The following NEO1 variants were observed in gnomAD, a reference collection of about 807,000 sequenced individuals.
NEO1 encodes the protein neogenin.
A neutral mutation model predicts 159.7 loss-of-function variants in NEO1; 63 were observed. That is an observed-to-expected ratio of 0.39 (90% CI 0.32 to 0.49). NEO1 has a LOEUF of 0.49. Among genes scored for constraint, NEO1 ranks in the 20% least tolerant of loss-of-function variants. The pLI is 0.85. For synonymous variants in NEO1, 633 were observed against 662.0 expected, an observed-to-expected ratio of 0.96 and a Z score of 0.67; for missense variants, 1,615 against 1,831.0, an observed-to-expected ratio of 0.88 and a Z score of 2.15.
rs557939480 is a variant in NEO1 at position 73,105,220 on chromosome 15, A to G, written c.131-11320A>G. On this transcript the variant is annotated intron_variant, in intron 1 of 28. Transcript: ENST00000261908. ...ATGGGGTTGCTTAAAGGATAAACAG[A>G]AAAGATAAAGAACCAAACAAATGTC... Among the ~76,000 whole-genome samples the G allele has an allele frequency of 9.7e-4, 148 of 152,334 alleles. 2 individuals carry two copies. The highest frequency in any genetic ancestry group is 8.1e-3 in the South Asian group (39 of 4,826).
intron 5 of NEO1, among the ~76,000 whole-genome samples, chr15:73,146,355 T>A (rs1267165191): frequency 6.6e-6 from 1 of 152,218 alleles, no homozygotes; most frequent in African/African-American, 2.4e-5. Context: ...CTGGATAAGA[T>A]GTCAGACAGT....
intron 8 of NEO1, among the ~76,000 whole-genome samples, chr15:73,239,007 C>T (rs1465960056): frequency 6.6e-6 from 1 of 152,030 alleles, no homozygotes; most frequent in Non-Finnish European, 1.5e-5. Flanking sequence ...TGCCACCATG[C>T]CTGGGTAATT....
chr15:73,057,356 T>A (rs2151218356), intron 1 of NEO1, among the ~76,000 whole-genome samples: 1 of 152,322 alleles, frequency 6.6e-6, no homozygotes, highest in South Asian at 2.1e-4. Flanking sequence ...ATATGGAGGC[T>A]GTATTTAATA....
At chr15:73,183,095 C>T (rs1350951451) in intron 7 of NEO1, among the ~76,000 whole-genome samples, 1 of 152,140 alleles carries the variant, frequency 6.6e-6, no homozygotes, top group African/African-American at 2.4e-5. Context: ...AAACACTTTT[C>T]CTTGGGGCTC....
chr15:73,230,448 A>G (rs1019774415), intron 7 of NEO1, among the ~76,000 whole-genome samples: 2 of 152,046 alleles, frequency 1.3e-5, no homozygotes, highest in African/African-American at 4.8e-5. Context: ...TTAGTTTCCT[A>G]GTCTTCTACC....
intron 22 of NEO1, among the ~76,000 whole-genome samples, chr15:73,280,094 G>A (rs1209051530): frequency 6.6e-6 from 1 of 152,138 alleles, no homozygotes. Flanking sequence ...TAAGTTGGGG[G>A]CTAAGAGTAT....
intron 15 of NEO1, among the ~76,000 whole-genome samples, chr15:73,265,342 T>C (rs1306039286): frequency 6.6e-6 from 1 of 151,676 alleles, no homozygotes; most frequent in African/African-American, 2.4e-5. Context: ...GGAGGCAGGG[T>C]GGGAAGGGAA....
At chr15:73,146,533 C>A (rs1236268387) in intron 5 of NEO1, among the ~76,000 whole-genome samples, 2 of 152,038 alleles carry the variant, frequency 1.3e-5, no homozygotes, top group East Asian at 1.9e-4. Flanking sequence ...GTTTGCAGTT[C>A]TTCTTAGATT....
chr15:73,197,024 C>T (rs1027111544), intron 7 of NEO1, among the ~76,000 whole-genome samples: 4 of 152,064 alleles, frequency 2.6e-5, no homozygotes, highest in African/African-American at 4.8e-5. Flanking sequence ...TAAACGCTTA[C>T]CTAATTTTTG....
At chr15:73,280,598 G>C (rs1467263587) in intron 22 of NEO1, among the ~76,000 whole-genome samples, 1 of 152,106 alleles carries the variant, frequency 6.6e-6, no homozygotes, top group South Asian at 2.1e-4. Flanking sequence ...GTTATGGAAA[G>C]CCCTACTCTA....
chr15:73,092,199 T>C (rs2069731816), intron 1 of NEO1, among the ~76,000 whole-genome samples: 1 of 152,190 alleles, frequency 6.6e-6, no homozygotes, highest in East Asian at 1.9e-4. Flanking sequence ...ACTACTTCTG[T>C]TCCCTGGATT....
At position 73,301,379 on chromosome 15, in the gene NEO1, C is replaced by G; in HGVS notation, c.4224C>G (p.Ser1408Arg). ...KTASIGTLGR[S>R]RPPMPVVVPS... The stretch of plus-strand genomic sequence containing the variant: ...CCTCCATCGGGACTCTAGGAAGGAG[C>G]CGGCCTCCTATGCCAGTGGTTGTTC... The change falls in exon 28 of 29, where the codon AGC (serine) becomes AGG (arginine). Residue 1408 changes from serine (S) to arginine (R), a missense_variant. This residue lies in a region of NEO1 where 471 missense variants were observed against 498.9 expected (regional missense o/e 0.94). Transcript: ENST00000261908. The G allele has an allele frequency of 6.2e-7, 1 of 1,614,154 alleles. No individual in the cohort carries two copies. Among genetic ancestry groups the G allele is most frequent in the Non-Finnish European group, 8.5e-7 (1 of 1,180,032 alleles).
chr15:73,208,826 C>T (rs2037385896), intron 7 of NEO1, among the ~76,000 whole-genome samples: 1 of 152,094 alleles, frequency 6.6e-6, no homozygotes, highest in Admixed American at 6.5e-5. Context: ...TGCACCACTG[C>T]ACTCCAGCCT....
At chr15:73,238,353 G>A (rs1288955634) in intron 8 of NEO1, among the ~76,000 whole-genome samples, 2 of 78,930 alleles carry the variant, frequency 2.5e-5, no homozygotes, top group Non-Finnish European at 4.8e-5. Flanking sequence ...TATTTATTCT[G>A]TCTGTCTTGT....
chr15:73,145,444 T>C (rs925484645), intron 5 of NEO1, among the ~76,000 whole-genome samples: 1 of 152,200 alleles, frequency 6.6e-6, no homozygotes, highest in East Asian at 1.9e-4. Flanking sequence ...TTTGTTTTGA[T>C]GAAATAAGGA....
chr15:73,223,679 A>G (rs1424528182), intron 7 of NEO1, among the ~76,000 whole-genome samples: 1 of 152,192 alleles, frequency 6.6e-6, no homozygotes, highest in Non-Finnish European at 1.5e-5. Context: ...CTTATGTGTC[A>G]GGTGAGTCTC....
At chr15:73,099,268 T>C (rs926376729) in intron 1 of NEO1, among the ~76,000 whole-genome samples, 4 of 152,218 alleles carry the variant, frequency 2.6e-5, no homozygotes, top group Admixed American at 6.5e-5. Flanking sequence ...ATCAAACTTT[T>C]AAGAGCTCAA....
intron 27 of NEO1, chr15:73,299,852 G>T (rs1266960153): frequency 6.6e-6 from 1 of 152,144 alleles, no homozygotes; most frequent in Non-Finnish European, 1.5e-5. Context: ...AGAAAATCTG[G>T]CCTAACAGAT....
chr15:73,298,635 T>C, intron 27 of NEO1, 24 bp downstream of exon 27: 3 of 1,613,456 alleles, frequency 1.9e-6, no homozygotes, highest in Non-Finnish European at 2.5e-6. Flanking sequence ...GCAGCACACC[T>C]GGAGGGAGCA....
Sources: allele counts gnomAD v4.1 joint callset (sites outside exome capture counted in the v4.1 genomes callset), GRCh38; gene constraint gnomAD v4.1.1; regional missense constraint gnomAD v4.1.1; transcripts MANE v1.5; gene names NCBI Gene and HGNC (gene_info 2026-07-23, HGNC 2026-07-21).